The following KIRREL3 variants were observed in gnomAD, a reference collection of about 807,000 sequenced individuals.
The protein encoded by KIRREL3 is kirre like nephrin family adhesion molecule 3.
Under a neutral mutation model 89.7 loss-of-function variants are expected in KIRREL3, and 36 were observed. That is an observed-to-expected ratio of 0.40 (90% confidence interval 0.31 to 0.53). The LOEUF (loss-of-function observed/expected upper bound fraction) is 0.53, where lower values mean the gene tolerates loss of function less well. KIRREL3 is among the 20% of genes least tolerant of loss of function. The probability of loss-of-function intolerance (pLI) is 0.49; values close to 1 mark genes in which losing one functional copy is unlikely to be tolerated. For synonymous variants in KIRREL3, 445 were observed against 441.4 expected, an observed-to-expected ratio of 1.01 and a Z score of -0.10; for missense variants, 864 against 1,056.6, an observed-to-expected ratio of 0.82 and a Z score of 2.53.
rs1946655865 is a variant in KIRREL3, at chr11:126,908,018, C to A, written c.55+92437G>T. On this transcript the variant is annotated intron_variant, in intron 1 of 16. Coordinates refer to ENST00000525144, the MANE Select transcript of KIRREL3 (RefSeq NM_032531.4). This position sits in a 1 kb window ranked among gnomAD's most constrained non-coding sequence, Gnocchi z 4.2. ...ACCACCTGTGATGTCACACCGCCAC[C>A]CAAAAGACACCCCCCAAATTCTTCC... Among the ~76,000 whole-genome samples, 1 of 152,134 alleles carries A rather than the reference C, an allele frequency of 6.6e-6. No individual in the cohort carries two copies. Among genetic ancestry groups the A allele is most frequent in the Non-Finnish European group, 1.5e-5 (1 of 68,026 alleles).
rs993182181 is a variant in KIRREL3, at chr11:126,719,388, G to A, written c.56-156476C>T. On this transcript the variant is annotated intron_variant, in intron 1 of 16. Coordinates refer to ENST00000525144, the MANE Select transcript of KIRREL3 (RefSeq NM_032531.4). This position sits in a 1 kb window ranked among gnomAD's most constrained non-coding sequence, Gnocchi z 4.7. Reference sequence around the variant, plus strand: ...CAGCTACTCCTTCTCCATCTCCTTTGCTAGTTCCTCCCCATCTCTATTATT... The same window carrying A: ...CAGCTACTCCTTCTCCATCTCCTTTACTAGTTCCTCCCCATCTCTATTATT... Among the ~76,000 whole-genome samples the A allele has an allele frequency of 1.3e-5, 2 of 152,044 alleles. No homozygotes were observed. Among genetic ancestry groups the A allele is most frequent in the African/African-American group, 4.8e-5 (2 of 41,382 alleles).
chr11:126,774,518 A>T (rs1950114297), intron 1 of KIRREL3, among the ~76,000 whole-genome samples: 3 of 152,250 alleles, frequency 2.0e-5, no homozygotes, highest in African/African-American at 7.2e-5. Flanking sequence ...TGGACCCAGG[A>T]CAGTGTGCAT....
chr11:126,868,426 G>A (rs1289416831), intron 1 of KIRREL3, among the ~76,000 whole-genome samples: 3 of 152,210 alleles, frequency 2.0e-5, no homozygotes, highest in Admixed American at 6.5e-5. Context: ...GGGCCACGTC[G>A]CCCTAGGTGG....
intron 1 of KIRREL3, among the ~76,000 whole-genome samples, chr11:126,941,654 T>G (rs1948450279): frequency 6.6e-6 from 1 of 151,998 alleles, no homozygotes; most frequent in Non-Finnish European, 1.5e-5. Context: ...AGTCTTCTGA[T>G]TCAAGCCTGG....
chr11:126,752,124 C>A lies in KIRREL3; in HGVS notation c.56-189212G>T, dbSNP rs995006066. On this transcript the variant is annotated intron_variant, in intron 1 of 16. Coordinates refer to ENST00000525144, the MANE Select transcript of KIRREL3 (RefSeq NM_032531.4). This position sits in a 1 kb window ranked among gnomAD's most constrained non-coding sequence, Gnocchi z 4.8. Reference sequence around the variant, plus strand: ...CAGCTTTTTCTTTGCAAAATAGGAACAATGATGATACCTGTCCCTGAGTTA... The same window carrying A: ...CAGCTTTTTCTTTGCAAAATAGGAAAAATGATGATACCTGTCCCTGAGTTA... Among the ~76,000 whole-genome samples, 2 of 152,138 alleles carry A rather than the reference C, an allele frequency of 1.3e-5. No homozygotes were observed. The highest frequency in any genetic ancestry group is 4.8e-5 in the African/African-American group (2 of 41,406).
chr11:126,688,178 C>G (rs1024922166), intron 1 of KIRREL3, among the ~76,000 whole-genome samples: 1 of 152,210 alleles, frequency 6.6e-6, no homozygotes, highest in African/African-American at 2.4e-5. Context: ...CAGCCTGTCC[C>G]ACTTCTGGTC....
In KIRREL3 at chr11:126,851,235, T is replaced by C. The variant is rs530491128; in HGVS notation, c.55+149220A>G. On this transcript the variant is annotated intron_variant, in intron 1 of 16. Transcript: ENST00000525144. ...AGTGAATGAAAGAGCCATATTTTGG[T>C]AGAGTGTGTGGGTCACTTCACTTAG... Among the ~76,000 whole-genome samples, 3 of 152,340 alleles carry C rather than the reference T, an allele frequency of 2.0e-5. No homozygotes were observed. In the South Asian group the frequency reaches 6.2e-4, roughly 32 times the overall value.
At position 126,689,042 on chromosome 11, in the gene KIRREL3, A is replaced by AGAGAGAGAGAGAGAGAGAG. The variant is rs1946775852; in HGVS notation, c.56-126131_56-126130insCTCTCTCTCTCTCTCTCTC. On this transcript the variant is annotated intron_variant, in intron 1 of 16. Coordinates refer to ENST00000525144, the MANE Select transcript of KIRREL3 (RefSeq NM_032531.4). The surrounding 1 kb of genome is among the most constrained non-coding windows in gnomAD (Gnocchi z 5.2). ...ATGTGTGTGTGTGTAAGGGGGAGAG[A>AGAGAGAGAGAGAGAGAGAG]AGAGAGAGAGAGAGAGAGAGAGAGA... 1.5e-5 allele frequency among the ~76,000 whole-genome samples: 2 copies of AGAGAGAGAGAGAGAGAGAG among 129,766 alleles called. No homozygotes were observed. Among genetic ancestry groups the AGAGAGAGAGAGAGAGAGAG allele is most frequent in the Admixed American group, 8.0e-5 (1 of 12,518 alleles). 85.1% of individuals were successfully genotyped at this position (129,766 alleles called of 152,430 possible).
rs1440272698 is a variant in KIRREL3 at position 126,609,604 on chromosome 11, C to T, written c.56-46692G>A. Among the ~76,000 whole-genome samples the T allele has an allele frequency of 1.3e-5, 2 of 152,084 alleles. No homozygotes were observed. The highest frequency in any genetic ancestry group is 3.2e-3 in the Middle Eastern group (1 of 316). Reference sequence around the variant, plus strand: ...CTCAGCTCCTTTCTGGGGGGACCTCCGATGCATGCTCACTTGTATAAAATC... The same window carrying T: ...CTCAGCTCCTTTCTGGGGGGACCTCTGATGCATGCTCACTTGTATAAAATC... On this transcript the variant is annotated intron_variant, in intron 1 of 16. Coordinates refer to ENST00000525144, the MANE Select transcript of KIRREL3 (RefSeq NM_032531.4). The surrounding 1 kb of genome is among the most constrained non-coding windows in gnomAD (Gnocchi z 5.0).
rs1182050658 is a variant in KIRREL3 at position 126,900,060 on chromosome 11, C to T, written c.55+100395G>A. Among the ~76,000 whole-genome samples, 1 of 152,192 alleles carries T rather than the reference C, an allele frequency of 6.6e-6. No homozygotes were observed. Among genetic ancestry groups the T allele is most frequent in the Non-Finnish European group, 1.5e-5 (1 of 68,038 alleles). On this transcript the variant is annotated intron_variant, in intron 1 of 16. Transcript: ENST00000525144. This position sits in a 1 kb window ranked among gnomAD's most constrained non-coding sequence, Gnocchi z 4.4. Reference sequence around the variant, plus strand: ...AGTGGTTGTTTTGTAAAAGGAATAGCTAGCTGGTGGGTCACTTCCTCTGCT... The same window carrying T: ...AGTGGTTGTTTTGTAAAAGGAATAGTTAGCTGGTGGGTCACTTCCTCTGCT...
rs1361353930 is a variant in KIRREL3 at position 126,876,795 on chromosome 11, G to A, written c.55+123660C>T. 6.6e-6 allele frequency among the ~76,000 whole-genome samples: 1 copy of A among 152,018 alleles called. No homozygotes were observed. Among genetic ancestry groups the A allele is most frequent in the African/African-American group, 2.4e-5 (1 of 41,390 alleles). On this transcript the variant is annotated intron_variant, in intron 1 of 16. Coordinates refer to ENST00000525144, the MANE Select transcript of KIRREL3 (RefSeq NM_032531.4). This position sits in a 1 kb window ranked among gnomAD's most constrained non-coding sequence, Gnocchi z 4.1. ...CCTGATCTGCCCGCCTCAGCCTCCC[G>A]AAGTGCTAGGATTACAGGCGTGAGC...
chr11:126,489,085 G>C lies in KIRREL3; in HGVS notation c.434-15619C>G, dbSNP rs1371587316. ...ACTAGACTGCGCTTAGGCATCTGGA[G>C]CGCAGCAGTCAGTCTCATCCTGGGG... On this transcript the variant is annotated intron_variant, in intron 4 of 16. Coordinates refer to ENST00000525144, the MANE Select transcript of KIRREL3 (RefSeq NM_032531.4). This position sits in a 1 kb window ranked among gnomAD's most constrained non-coding sequence, Gnocchi z 5.5. Among the ~76,000 whole-genome samples the C allele has an allele frequency of 2.0e-5, 3 of 152,216 alleles. No homozygotes were observed. Among genetic ancestry groups the C allele is most frequent in the African/African-American group, 7.2e-5 (3 of 41,464 alleles).
rs1056498768 is a variant in KIRREL3 at position 126,985,101 on chromosome 11, C to A, written c.55+15354G>T. Among the ~76,000 whole-genome samples, 7 of 152,126 alleles carry A rather than the reference C, an allele frequency of 4.6e-5. No homozygotes were observed. Among genetic ancestry groups the A allele is most frequent in the Non-Finnish European group, 8.8e-5 (6 of 68,036 alleles). On this transcript the variant is annotated intron_variant, in intron 1 of 16. Coordinates refer to ENST00000525144, the MANE Select transcript of KIRREL3 (RefSeq NM_032531.4). This position sits in a 1 kb window ranked among gnomAD's most constrained non-coding sequence, Gnocchi z 5.3. Reference sequence around the variant, plus strand: ...GCAAGGAAGGATTAAATTATTATCACCTTTTCCCCAAGGAGGACTCGGTGC... The same window carrying A: ...GCAAGGAAGGATTAAATTATTATCAACTTTTCCCCAAGGAGGACTCGGTGC...
intron 1 of KIRREL3, among the ~76,000 whole-genome samples, chr11:126,596,057 C>A (rs1942379197): frequency 6.6e-6 from 1 of 152,190 alleles, no homozygotes; most frequent in Non-Finnish European, 1.5e-5. Flanking sequence ...GAAAGTCTCC[C>A]AGGATAAATC....
At position 126,575,641 on chromosome 11, in the gene KIRREL3, T is replaced by C. The variant is rs1941216200; in HGVS notation, c.56-12729A>G. Among the ~76,000 whole-genome samples the C allele has an allele frequency of 1.3e-5, 2 of 152,176 alleles. No homozygotes were observed. Among genetic ancestry groups the C allele is most frequent in the African/African-American group, 4.8e-5 (2 of 41,432 alleles). ...GATTAGCCTGAGGAATCCAGTTCTG[T>C]AGCTTGAATAGAGACTGCTATGTTG... On this transcript the variant is annotated intron_variant, in intron 1 of 16. Transcript: ENST00000525144. The surrounding 1 kb of genome is among the most constrained non-coding windows in gnomAD (Gnocchi z 7.0).
rs1163772325 is a variant in KIRREL3 at position 126,622,182 on chromosome 11, G to A, written c.56-59270C>T. On this transcript the variant is annotated intron_variant, in intron 1 of 16. Transcript: ENST00000525144. The surrounding 1 kb of genome is among the most constrained non-coding windows in gnomAD (Gnocchi z 5.2). ...GCATTTACAAGGTGTTTTACATACAGTAATTGTTCACTTGCTAAATCAGCC... is the reference window on the plus strand; with the variant it reads ...GCATTTACAAGGTGTTTTACATACAATAATTGTTCACTTGCTAAATCAGCC... Among the ~76,000 whole-genome samples the A allele has an allele frequency of 2.6e-5, 4 of 152,362 alleles. No homozygotes were observed. The East Asian group carries it at 5.8e-4, about 22-fold the overall frequency.
At chr11:126,507,051 A>G (rs374845822) in intron 4 of KIRREL3, among the ~76,000 whole-genome samples, 8 of 152,252 alleles carry the variant, frequency 5.3e-5, no homozygotes, top group African/African-American at 1.9e-4. Context: ...GAAGTGAACT[A>G]CAGATACATG....
At chr11:126,751,576 G>C (rs1028579099) in intron 1 of KIRREL3, among the ~76,000 whole-genome samples, 8 of 152,094 alleles carry the variant, frequency 5.3e-5, no homozygotes, top group Admixed American at 3.3e-4. Flanking sequence ...GAGATCTTAG[G>C]GGGGCAAGAG....
At chr11:126,962,740 G>A (rs1341654154) in intron 1 of KIRREL3, among the ~76,000 whole-genome samples, 3 of 152,118 alleles carry the variant, frequency 2.0e-5, no homozygotes, top group African/African-American at 7.2e-5. Flanking sequence ...TTCATGAAAG[G>A]AACATTCAAA....
Sources: allele counts gnomAD v4.1 joint callset (sites outside exome capture counted in the v4.1 genomes callset), GRCh38; gene constraint gnomAD v4.1.1; non-coding constraint Gnocchi (gnomAD v3.1); transcripts MANE v1.5; gene names NCBI Gene and HGNC (gene_info 2026-07-23, HGNC 2026-07-21).